The following SCAMP2 variants were observed in gnomAD, a reference collection of about 807,000 sequenced individuals.
SCAMP2 encodes secretory carrier-associated membrane protein 2.
In SCAMP2, 25 loss-of-function variants were observed where a neutral mutation model predicts 44.1. That is an observed-to-expected ratio of 0.57 (90% confidence interval 0.41 to 0.79). SCAMP2 has a LOEUF of 0.79. SCAMP2 is among the 30% of genes least tolerant of loss of function. The pLI is 0.00. For synonymous variants in SCAMP2, 156 were observed against 166.0 expected, an observed-to-expected ratio of 0.94 and a Z score of 0.46; for missense variants, 355 against 411.0, an observed-to-expected ratio of 0.86 and a Z score of 1.18.
intron 7 of SCAMP2, among the ~76,000 whole-genome samples, 196 bp from the exon 8 acceptor site, chr15:74,845,789 C>G (rs113270785): frequency 0.049 from 7,500 of 152,282 alleles, 608 homozygotes; most frequent in African/African-American, 0.17. Flanking sequence ...GCCCACACTA[C>G]CCCATTCACA....
Position 74,845,579 on chromosome 15 carries a change from G to C in SCAMP2, c.749C>G (p.Ala250Gly), listed in dbSNP as rs1233118141. The C allele has an allele frequency of 6.2e-7, 1 of 1,613,968 alleles. No individual in the cohort carries two copies. The highest frequency in any genetic ancestry group is 1.7e-5 in the Admixed American group (1 of 60,006). Residue 250 changes from alanine to glycine, a missense_variant, in exon 8 of 9, where the codon GCC becomes GGC. Physicochemically the swap from Ala to Gly is moderately conservative, Grantham distance 60 (BLOSUM62 0). Transcript: ENST00000268099. ...GGAATGATTATCCAGTGTAGACAGGGCTGCAATCCAACCGCTATAAAGGGA... is the reference window on the plus strand; with the variant it reads ...GGAATGATTATCCAGTGTAGACAGGCCTGCAATCCAACCGCTATAAAGGGA... ...PGLGDSGWIAALSTLDNHSLA... is the reference protein window; with the variant it reads ...PGLGDSGWIAGLSTLDNHSLA...
chr15:74,844,943 G>T lies in SCAMP2; in HGVS notation c.*140C>A. ...CCTCCCGTTCCAGGGAGAGCTGGTC[G>T]CTGAGGGAGGAGGAAGAGCCACGGC... On this transcript the variant is annotated 3_prime_UTR_variant, in exon 9 of 9. Transcript: ENST00000268099. 1 of 929,102 alleles carries T rather than the reference G, an allele frequency of 1.1e-6. No homozygotes were observed. Among genetic ancestry groups the T allele is most frequent in the Non-Finnish European group, 1.6e-6 (1 of 619,946 alleles). 57.6% of individuals were successfully genotyped at this position (929,102 alleles called of 1,614,324 possible). A position where few individuals can be genotyped will look rare whatever the true frequency, so the allele number is the denominator to read the frequency against.
rs1181735353 is a variant in SCAMP2 at position 74,852,008 on chromosome 15, G to A, written c.343+61C>T. 3 of 1,225,424 alleles carry A rather than the reference G, an allele frequency of 2.4e-6. No homozygotes were observed. The African/African-American group carries it at 4.6e-5, about 19-fold the overall frequency. The allele number at this position is 1,225,424 out of a possible 1,614,324, so 75.9% of individuals were successfully genotyped here. ...TGAATGCTGGGAGGCCCTCCGCACA[G>A]GTTTCAGGACACTCTTCTATGCCAG... is the stretch of plus-strand genomic sequence containing the variant. On this transcript the variant is annotated intron_variant, in intron 4 of 8. Coordinates refer to ENST00000268099, the MANE Select transcript of SCAMP2 (RefSeq NM_005697.5).
At chr15:74,860,105 T>C (rs1259765387) in intron 1 of SCAMP2, among the ~76,000 whole-genome samples, 1 of 151,898 alleles carries the variant, frequency 6.6e-6, no homozygotes, top group Non-Finnish European at 1.5e-5. Flanking sequence ...TTTTTTTTCA[T>C]AGTAAAAATA....
chr15:74,852,309 C>A, intron 3 of SCAMP2, 123 bp from the exon 4 acceptor site: 1 of 571,844 alleles, frequency 1.7e-6, no homozygotes, highest in Non-Finnish European at 2.8e-6. Context: ...GTCCCAGAAG[C>A]AGTCCCCGCC....
chr15:74,850,481 TA>T, intron 6 of SCAMP2, 32 bp downstream of exon 6: 1 of 1,606,454 alleles, frequency 6.2e-7, no homozygotes, highest in Non-Finnish European at 8.5e-7. Flanking sequence ...ATGCCAGCCA[TA>T]AAGTCTCACC....
chr15:74,856,160 C>T (rs1388416145), intron 1 of SCAMP2, among the ~76,000 whole-genome samples: 2 of 151,836 alleles, frequency 1.3e-5, no homozygotes, highest in Non-Finnish European at 2.9e-5. Context: ...GTGGAGACAC[C>T]GCTTGGGTTC....
intron 8 of SCAMP2, 94 bp downstream of exon 8, chr15:74,845,379 C>T (rs759676763): frequency 6.2e-7 from 1 of 1,602,980 alleles, no homozygotes; most frequent in Non-Finnish European, 8.5e-7. Context: ...GCCTAGGATG[C>T]CCAACTGCAG....
chr15:74,849,881 A>G (rs1181375233), intron 6 of SCAMP2, among the ~76,000 whole-genome samples: 1 of 152,212 alleles, frequency 6.6e-6, no homozygotes, highest in Non-Finnish European at 1.5e-5. Flanking sequence ...CGAGCTGAGG[A>G]CTTCCATCTC....
At chr15:74,867,402 CT>C (rs1199683424) in intron 1 of SCAMP2, among the ~76,000 whole-genome samples, 3 of 152,242 alleles carry the variant, frequency 2.0e-5, no homozygotes, top group Non-Finnish European at 4.4e-5. Context: ...TCACCTATCT[CT>C]CTACCCAAGT....
At chr15:74,862,933 G>A (rs1169698631) in intron 1 of SCAMP2, among the ~76,000 whole-genome samples, 3 of 148,882 alleles carry the variant, frequency 2.0e-5, no homozygotes. Flanking sequence ...AAAATAGGCT[G>A]GACACATGGC....
At chr15:74,848,920 G>C (rs955877337) in intron 6 of SCAMP2, among the ~76,000 whole-genome samples, 1 of 152,010 alleles carries the variant, frequency 6.6e-6, no homozygotes, top group Non-Finnish European at 1.5e-5. Context: ...TAAGGGGTCA[G>C]TGCTTGACCC....
chr15:74,848,132 A>G (rs1053036065), intron 7 of SCAMP2, among the ~76,000 whole-genome samples: 25 of 151,566 alleles, frequency 1.6e-4, no homozygotes, highest in African/African-American at 6.1e-4. Flanking sequence ...CAGTGGTGCA[A>G]TCATGGCTCA....
At chr15:74,846,248 C>T (rs1054839439) in intron 7 of SCAMP2, among the ~76,000 whole-genome samples, 4 of 151,626 alleles carry the variant, frequency 2.6e-5, no homozygotes, top group Admixed American at 1.3e-4. Context: ...TGCCATTGTA[C>T]TCCAGCCTAG....
chr15:74,856,415 C>G (rs1432421445), intron 1 of SCAMP2, among the ~76,000 whole-genome samples: 1 of 151,488 alleles, frequency 6.6e-6, no homozygotes, highest in Non-Finnish European at 1.5e-5. Flanking sequence ...GCTGGGATTA[C>G]AGGCGCCTGC....
chr15:74,856,078 A>G (rs984371676), intron 1 of SCAMP2, among the ~76,000 whole-genome samples: 14 of 151,862 alleles, frequency 9.2e-5, no homozygotes, highest in Admixed American at 9.2e-4. Context: ...GCTCAGGTCC[A>G]GCTTCACAGC....
chr15:74,861,969 A>C (rs1224842271), intron 1 of SCAMP2, among the ~76,000 whole-genome samples: 1 of 149,990 alleles, frequency 6.7e-6, no homozygotes, highest in East Asian at 2.0e-4. Context: ...ATACTAAATT[A>C]TGGGCCAGGC....
At chr15:74,869,813 T>C (rs1191633495) in intron 1 of SCAMP2, among the ~76,000 whole-genome samples, 1 of 152,206 alleles carries the variant, frequency 6.6e-6, no homozygotes, top group Non-Finnish European at 1.5e-5. Context: ...TGACTAGGTG[T>C]GACAGTTTCT....
At chr15:74,858,196 C>CA (rs2064479586) in intron 1 of SCAMP2, among the ~76,000 whole-genome samples, 1 of 152,122 alleles carries the variant, frequency 6.6e-6, no homozygotes, top group Non-Finnish European at 1.5e-5. Flanking sequence ...TACGGTGTGC[C>CA]AAACTCACCA....
Sources: allele counts gnomAD v4.1 joint callset (sites outside exome capture counted in the v4.1 genomes callset), GRCh38; gene constraint gnomAD v4.1.1; transcripts MANE v1.5; gene names NCBI Gene and HGNC (gene_info 2026-07-23, HGNC 2026-07-21).